The following STAU2 variants were observed in gnomAD, a reference collection of about 807,000 sequenced individuals.
STAU2 encodes staufen double-stranded RNA binding protein 2.
STAU2 carries 20 observed loss-of-function variants against 65.9 expected under a neutral mutation model. The observed-to-expected ratio is 0.30, with a 90% CI of 0.21 to 0.44. The LOEUF (loss-of-function observed/expected upper bound fraction) is 0.44. Among genes scored for constraint, STAU2 ranks in the 20% least tolerant of loss-of-function variants. The pLI, the probability that STAU2 is intolerant of heterozygous loss-of-function variation, is 1.00. For missense variants in STAU2, 558 were observed against 683.9 expected (o/e 0.82, Z 2.05); for synonymous variants, 232 against 233.9 (o/e 0.99, Z 0.07).
intron 7 of STAU2, among the ~76,000 whole-genome samples, 196 bp downstream of exon 7, chr8:73,617,096 G>A (rs950070689): frequency 2.0e-5 from 3 of 152,200 alleles, no homozygotes; most frequent in Non-Finnish European, 2.9e-5. Context: ...CCAGTTGCCT[G>A]GGAAGTGAAC....
chr8:73,613,888 A>G lies in STAU2; in HGVS notation c.747T>C (p.Ser249=). The change falls in exon 9 of 15, where the codon TCT becomes TCC. Residue 249 remains serine, a synonymous_variant. Transcript: ENST00000524300. ...TTTTGCTATTTCCTTCTCCTTCTGC[A>G]GAGAACTCTCCTACTGACACTCGAG... The part of the protein sequence containing the change: ...FVTRVSVGEF[S]AEGEGNSKKL... The G allele has an allele frequency of 6.2e-7, 1 of 1,613,868 alleles. No individual in the cohort carries two copies. The highest frequency in any genetic ancestry group is 8.5e-7 in the Non-Finnish European group (1 of 1,179,918).
chr8:73,476,752 T>C (rs1476275868), intron 13 of STAU2, among the ~76,000 whole-genome samples: 1 of 151,858 alleles, frequency 6.6e-6, no homozygotes, highest in Non-Finnish European at 1.5e-5. Flanking sequence ...GATTGTACTT[T>C]CCTCTCAAAT....
chr8:73,568,476 G>A (rs1481311361), intron 12 of STAU2, among the ~76,000 whole-genome samples: 2 of 152,114 alleles, frequency 1.3e-5, no homozygotes, highest in East Asian at 3.9e-4. Context: ...GGTGCCACGT[G>A]CCTGTAAAAT....
chr8:73,516,499 A>T (rs1051279780), intron 13 of STAU2, among the ~76,000 whole-genome samples: 1 of 152,154 alleles, frequency 6.6e-6, no homozygotes, highest in African/African-American at 2.4e-5. Context: ...AAGGGTATTT[A>T]AAAAAATATG....
intron 13 of STAU2, among the ~76,000 whole-genome samples, chr8:73,424,890 C>T (rs991679754): frequency 1.3e-5 from 2 of 152,012 alleles, no homozygotes; most frequent in Admixed American, 6.6e-5. Context: ...AGCCCTGGCC[C>T]GGGCATCCCG....
chr8:73,704,606 T>G (rs1820366098), intron 4 of STAU2, among the ~76,000 whole-genome samples: 1 of 152,232 alleles, frequency 6.6e-6, no homozygotes, highest in South Asian at 2.1e-4. Context: ...GTAAATAAAT[T>G]TATCTTGGCA....
chr8:73,700,387 G>C (rs999225310), intron 4 of STAU2, among the ~76,000 whole-genome samples: 6 of 151,988 alleles, frequency 3.9e-5, no homozygotes, highest in African/African-American at 1.4e-4. Flanking sequence ...AATTATCATT[G>C]TTTGCAGATG....
chr8:73,550,251 A>G, intron 13 of STAU2: 1 of 985,354 alleles, frequency 1.0e-6, no homozygotes, highest in Non-Finnish European at 1.2e-6. Context: ...TATATTATGT[A>G]AGCATAAGCT....
chr8:73,645,914 A>C (rs1220624284), intron 6 of STAU2, among the ~76,000 whole-genome samples: 2 of 152,212 alleles, frequency 1.3e-5, no homozygotes, highest in Non-Finnish European at 2.9e-5. Context: ...ACCATTCATG[A>C]GAAACCATCC....
intron 5 of STAU2, among the ~76,000 whole-genome samples, chr8:73,687,324 T>A (rs11780545): frequency 8.6e-6 from 1 of 116,250 alleles, no homozygotes; most frequent in Non-Finnish European, 1.8e-5. Context: ...TATATTTATA[T>A]TTATAAATAT....
At chr8:73,543,587 A>T (rs1041618695) in intron 13 of STAU2, among the ~76,000 whole-genome samples, 20 of 152,172 alleles carry the variant, frequency 1.3e-4, no homozygotes, top group African/African-American at 4.6e-4. Context: ...ATGTGTTCAG[A>T]TGTGTTTATC....
intron 13 of STAU2, chr8:73,551,531 C>A: frequency 2.0e-6 from 2 of 987,428 alleles, no homozygotes; most frequent in Non-Finnish European, 2.4e-6. Context: ...AATGTTGTAT[C>A]TTAATGGTGT....
intron 12 of STAU2, among the ~76,000 whole-genome samples, chr8:73,553,621 T>C (rs889732213): frequency 1.3e-5 from 2 of 151,950 alleles, no homozygotes; most frequent in Non-Finnish European, 1.5e-5. Context: ...AGCTAACACT[T>C]TGGGAAATGC....
intron 13 of STAU2, among the ~76,000 whole-genome samples, chr8:73,449,160 G>A (rs988360186): frequency 6.6e-6 from 1 of 152,344 alleles, no homozygotes; most frequent in African/African-American, 2.4e-5. Context: ...GGCAGGGGCC[G>A]GGCGAGTTAG....
intron 13 of STAU2, chr8:73,551,159 G>C (rs1807309395): frequency 1.0e-6 from 1 of 987,400 alleles, no homozygotes; most frequent in Non-Finnish European, 1.2e-6. Flanking sequence ...AAGAAATCAA[G>C]ACACAGATAT....
chr8:73,687,824 G>T (rs1468942502), intron 5 of STAU2, among the ~76,000 whole-genome samples: 1 of 151,784 alleles, frequency 6.6e-6, no homozygotes, highest in East Asian at 1.9e-4. Flanking sequence ...CCATTCTCCT[G>T]CCTCGGCCTC....
chr8:73,690,147 T>C (rs1172668432), intron 4 of STAU2, among the ~76,000 whole-genome samples: 3 of 151,502 alleles, frequency 2.0e-5, no homozygotes, highest in Admixed American at 6.6e-5. Flanking sequence ...GCTAACACAG[T>C]GAATCCCCAT....
At chr8:73,654,636 T>TAAAAAAAAAAAAAA (rs1816162436) in intron 6 of STAU2, among the ~76,000 whole-genome samples, 1 of 6,232 alleles carries the variant, frequency 1.6e-4, no homozygotes, top group Non-Finnish European at 3.4e-4. Flanking sequence ...CAAGATTGTC[T>TAAAAAAAAAAAAAA]CAAAAAAAAA....
intron 3 of STAU2, among the ~76,000 whole-genome samples, chr8:73,719,876 T>C (rs1340158536): frequency 1.3e-5 from 2 of 152,198 alleles, no homozygotes; most frequent in Non-Finnish European, 2.9e-5. Context: ...GCATATAAAA[T>C]TGATATTATT....
Sources: allele counts gnomAD v4.1 joint callset (sites outside exome capture counted in the v4.1 genomes callset), GRCh38; gene constraint gnomAD v4.1.1; transcripts MANE v1.5; gene names NCBI Gene and HGNC (gene_info 2026-07-23, HGNC 2026-07-21).